The following FHIT variants were observed in gnomAD, a reference collection of about 807,000 sequenced individuals.
FHIT encodes the protein bis(5'-adenosyl)-triphosphatase.
FHIT carries 19 observed loss-of-function variants against 17.9 expected under a neutral mutation model. That is an observed-to-expected ratio of 1.06 (90% CI 0.74 to 1.56). The LOEUF is 1.56. Among genes scored for constraint, FHIT ranks in the 40% most tolerant of loss-of-function variants. The pLI, the probability that FHIT is intolerant of heterozygous loss-of-function variation, is 0.00. For synonymous variants in FHIT, 81 were observed against 69.7 expected, an observed-to-expected ratio of 1.16 and a Z score of -0.81; for missense variants, 248 against 189.2, an observed-to-expected ratio of 1.31 and a Z score of -1.82.
At chr3:59,780,642 A>C (rs1169938283) in intron 8 of FHIT, among the ~76,000 whole-genome samples, 13 of 152,160 alleles carry the variant, frequency 8.5e-5, no homozygotes, top group Non-Finnish European at 1.9e-4. Context: ...ATGAAGGTGG[A>C]GCCCCAGGAT....
intron 5 of FHIT, among the ~76,000 whole-genome samples, chr3:60,477,355 C>T (rs1332412392): frequency 1.3e-5 from 2 of 152,166 alleles, no homozygotes; most frequent in African/African-American, 2.4e-5. Flanking sequence ...TTCCTTTGAT[C>T]ATCTACTTTT....
intron 5 of FHIT, among the ~76,000 whole-genome samples, chr3:60,092,094 C>T (rs558665310): frequency 6.6e-6 from 1 of 152,122 alleles, no homozygotes; most frequent in African/African-American, 2.4e-5. Flanking sequence ...CGACAATAAT[C>T]TCTAGATACA....
chr3:61,017,971 C>G (rs1260560351), intron 3 of FHIT, among the ~76,000 whole-genome samples: 1 of 152,114 alleles, frequency 6.6e-6, no homozygotes, highest in East Asian at 1.9e-4. Context: ...ATAGTGACAG[C>G]ACTACTGAAA....
intron 2 of FHIT, among the ~76,000 whole-genome samples, chr3:61,086,066 T>C (rs148742536): frequency 5.3e-5 from 8 of 152,176 alleles, no homozygotes; most frequent in African/African-American, 1.9e-4. Flanking sequence ...AAGAATTTTA[T>C]TGTTTCCTTT....
intron 8 of FHIT, among the ~76,000 whole-genome samples, chr3:59,783,280 C>T (rs1260674773): frequency 1.3e-5 from 2 of 152,130 alleles, no homozygotes; most frequent in African/African-American, 2.4e-5. Context: ...ACCATCCTGG[C>T]CAACATGGTG....
intron 2 of FHIT, among the ~76,000 whole-genome samples, chr3:61,065,917 C>T (rs1559954899): frequency 6.6e-6 from 1 of 152,236 alleles, no homozygotes; most frequent in East Asian, 1.9e-4. Flanking sequence ...GGGTGACTGT[C>T]TTAGTCTGCT....
At chr3:59,799,066 C>T (rs1699891022) in intron 8 of FHIT, among the ~76,000 whole-genome samples, 1 of 151,754 alleles carries the variant, frequency 6.6e-6, no homozygotes, top group South Asian at 2.1e-4. Flanking sequence ...CCCTTTCCTG[C>T]CCTTTGGAAG....
intron 4 of FHIT, among the ~76,000 whole-genome samples, chr3:60,723,481 T>C (rs1453094980): frequency 6.6e-6 from 1 of 152,194 alleles, no homozygotes; most frequent in South Asian, 2.1e-4. Flanking sequence ...AATTTGGGTA[T>C]GTGCTAGGCA....
chr3:60,443,127 T>C (rs1180509144), intron 5 of FHIT, among the ~76,000 whole-genome samples: 1 of 152,212 alleles, frequency 6.6e-6, no homozygotes, highest in Non-Finnish European at 1.5e-5. Context: ...TGATTTTGTA[T>C]CCTGAGACTT....
chr3:59,940,058 T>C (rs1363964865), intron 7 of FHIT, among the ~76,000 whole-genome samples: 6 of 152,188 alleles, frequency 3.9e-5, no homozygotes, highest in African/African-American at 9.7e-5. Context: ...TTCCTAGTCC[T>C]GCCACTTTCC....
chr3:60,112,895 T>C (rs1257525064), intron 5 of FHIT, among the ~76,000 whole-genome samples: 2 of 152,200 alleles, frequency 1.3e-5, no homozygotes, highest in East Asian at 1.9e-4. Context: ...TTACTCCTTA[T>C]GGAACCACTT....
intron 5 of FHIT, among the ~76,000 whole-genome samples, chr3:60,337,208 C>T (rs1035332003): frequency 7.2e-5 from 11 of 151,816 alleles, no homozygotes; most frequent in African/African-American, 2.2e-4. Flanking sequence ...ACTTTTTTAT[C>T]GAAAGGTAGG....
chr3:60,457,959 A>G (rs573742319), intron 5 of FHIT, among the ~76,000 whole-genome samples: 1 of 152,298 alleles, frequency 6.6e-6, no homozygotes, highest in South Asian at 2.1e-4. Context: ...ATGTGGAGAA[A>G]TAGGAACACT....
chr3:60,433,200 G>A (rs1343139927), intron 5 of FHIT, among the ~76,000 whole-genome samples: 1 of 151,964 alleles, frequency 6.6e-6, no homozygotes, highest in Non-Finnish European at 1.5e-5. Flanking sequence ...AATATCATCT[G>A]ACATGATGAC....
intron 2 of FHIT, among the ~76,000 whole-genome samples, chr3:61,149,884 A>T (rs1280060935): frequency 2.6e-5 from 4 of 152,090 alleles, no homozygotes; most frequent in Non-Finnish European, 5.9e-5. Context: ...ATGTATATAT[A>T]AAAAAATGCT....
intron 5 of FHIT, among the ~76,000 whole-genome samples, chr3:60,430,348 A>G (rs958676901): frequency 6.6e-6 from 1 of 152,014 alleles, no homozygotes; most frequent in African/African-American, 2.4e-5. Context: ...TCTTCCACAG[A>G]GAGGAAGAAC....
intron 8 of FHIT, among the ~76,000 whole-genome samples, chr3:59,757,957 A>C (rs551741793): frequency 2.2e-4 from 34 of 152,178 alleles, no homozygotes; most frequent in Admixed American, 5.2e-4. Context: ...TACAAAGATA[A>C]ATAAGCCCAA....
chr3:60,894,691 C>T lies in FHIT; in HGVS notation c.-110-72680G>A, dbSNP rs141149823. ...TCAAAACAAAACAAAAAAAAACAAA[C>T]AAAAAAACAAAAAACACTCTTTAAA... On this transcript the variant is annotated intron_variant, in intron 3 of 9. Transcript: ENST00000492590. Among the ~76,000 whole-genome samples, 672 of 151,498 alleles carry T rather than the reference C, an allele frequency of 4.4e-3. 4 individuals carry two copies. Among genetic ancestry groups the T allele is most frequent in the Non-Finnish European group, 6.9e-3 (470 of 67,840 alleles).
intron 7 of FHIT, among the ~76,000 whole-genome samples, chr3:59,955,403 C>T (rs886728845): frequency 6.6e-5 from 10 of 152,200 alleles, no homozygotes; most frequent in African/African-American, 2.4e-4. Flanking sequence ...TGGCAAACTG[C>T]AAGAGCTCAA....
Sources: gnomAD v4.1 joint callset for allele counts (sites outside exome capture counted in the v4.1 genomes callset) on GRCh38, gnomAD v4.1.1 for gene constraint, MANE v1.5 for transcripts, NCBI Gene and HGNC (gene_info 2026-07-23, HGNC 2026-07-21) for gene names.